Variants in TCF25 observed in about 807,000 individuals in gnomAD.
TCF25 encodes the protein TCF25 ribosome quality control complex subunit.
In TCF25, 41 loss-of-function variants were observed where a neutral mutation model predicts 83.1. The observed-to-expected ratio is 0.49, with a 90% CI of 0.38 to 0.64. The LOEUF (loss-of-function observed/expected upper bound fraction) is 0.64, where lower values mean the gene tolerates loss of function less well. TCF25 is among the 30% of genes least tolerant of loss of function. TCF25 has a pLI of 0.00. For synonymous variants in TCF25, 458 were observed against 365.0 expected, an observed-to-expected ratio of 1.25 and a Z score of -2.90; for missense variants, 979 against 914.5, an observed-to-expected ratio of 1.07 and a Z score of -0.91.
chr16:89,877,340 A>G (rs760256164), intron 1 of TCF25, among the ~76,000 whole-genome samples: 8 of 152,060 alleles, frequency 5.3e-5, no homozygotes, highest in Non-Finnish European at 1.2e-4. Context: ...AGTAGGTGGA[A>G]CTATAAGTGG....
intron 3 of TCF25, among the ~76,000 whole-genome samples, chr16:89,884,950 C>G (rs1160279421): frequency 1.0e-5 from 1 of 96,770 alleles, no homozygotes; most frequent in African/African-American, 5.1e-5. Context: ...CGCCCTCTCC[C>G]TCTGCCTGAC....
At chr16:89,892,557 C>T (rs2043518361) in intron 6 of TCF25, among the ~76,000 whole-genome samples, 1 of 152,204 alleles carries the variant, frequency 6.6e-6, no homozygotes, top group African/African-American at 2.4e-5. Context: ...TACCTCAACA[C>T]GGAGCCTCCC....
intron 16 of TCF25, chr16:89,909,199 C>G: frequency 8.2e-7 from 1 of 1,223,650 alleles, no homozygotes; most frequent in Non-Finnish European, 1.1e-6. Context: ...CATGGCAAAC[C>G]CCGTCTCAAC....
Position 89,911,061 on chromosome 16 carries a change from A to T in TCF25, c.1873-19A>T. On this transcript the variant is annotated intron_variant, in intron 17 of 17. Transcript: ENST00000263346. ...CCAGCACAGACAGCCCCCTTCTCAG[A>T]CATGTCCCCTTGCTGCAGGGGGAGA... 6.2e-7 allele frequency: 1 copy of T among 1,610,152 alleles called. No homozygotes were observed. Among genetic ancestry groups the T allele is most frequent in the Non-Finnish European group, 8.5e-7 (1 of 1,179,500 alleles).
At chr16:89,909,354 C>CA (rs1358173638) in intron 16 of TCF25, 4 of 344,576 alleles carry the variant, frequency 1.2e-5, no homozygotes, top group African/African-American at 6.5e-5. Flanking sequence ...TACTAAAATA[C>CA]AAAAAAATTA....
At chr16:89,906,719 C>T (rs991416399) in intron 15 of TCF25, among the ~76,000 whole-genome samples, 12 of 152,204 alleles carry the variant, frequency 7.9e-5, no homozygotes, top group African/African-American at 1.4e-4. Flanking sequence ...GTCAGAGGGT[C>T]GCAGGACCGT....
At chr16:89,889,373 T>TA (rs749101721) in intron 5 of TCF25, 1 of 278,386 alleles carries the variant, frequency 3.6e-6, no homozygotes, top group Non-Finnish European at 6.9e-6. Context: ...AACAAGGTCT[T>TA]ACTTTGTTGC....
At chr16:89,881,078 A>G (rs2042572848) in intron 1 of TCF25, among the ~76,000 whole-genome samples, 1 of 152,160 alleles carries the variant, frequency 6.6e-6, no homozygotes, top group Non-Finnish European at 1.5e-5. Context: ...CAACGGGCGT[A>G]AGTTGCTCCT....
At chr16:89,888,139 A>G (rs1364632799) in intron 5 of TCF25, among the ~76,000 whole-genome samples, 2 of 152,060 alleles carry the variant, frequency 1.3e-5, no homozygotes, top group East Asian at 1.9e-4. Context: ...GTGGGCAGGC[A>G]TCTGTAATCC....
intron 16 of TCF25, among the ~76,000 whole-genome samples, chr16:89,908,025 TTCCCAGC>T (rs1390781582): frequency 1.8e-5 from 1 of 56,110 alleles, no homozygotes; most frequent in African/African-American, 7.1e-5. Context: ...CTCCTCCCAG[TTCCCAGC>T]TCCCACCTCC....
intron 16 of TCF25, chr16:89,909,994 C>T (rs2045412623): frequency 6.5e-6 from 1 of 152,704 alleles, no homozygotes; most frequent in East Asian, 1.9e-4. Context: ...CTGGAAAGTA[C>T]TTGCCTTACC....
At chr16:89,885,360 C>T (rs2042924522) in intron 3 of TCF25, among the ~76,000 whole-genome samples, 1 of 152,184 alleles carries the variant, frequency 6.6e-6, no homozygotes, top group Non-Finnish European at 1.5e-5. Context: ...TTCTGGTGCT[C>T]CTGTGACCCG....
chr16:89,882,618 G>C (rs534683267), intron 1 of TCF25, among the ~76,000 whole-genome samples: 1 of 152,306 alleles, frequency 6.6e-6, no homozygotes, highest in East Asian at 1.9e-4. Context: ...ATGGAGTCTT[G>C]CTCTGTTGCC....
Position 89,911,157 on chromosome 16 carries a change from C to G in TCF25, c.1950C>G (p.Arg650=). 2 of 1,612,196 alleles carry G rather than the reference C, an allele frequency of 1.2e-6. No homozygotes were observed. Among genetic ancestry groups the G allele is most frequent in the South Asian group, 1.1e-5 (1 of 91,044 alleles). Residue 650 remains arginine (R), a synonymous_variant, in exon 18 of 18, where the codon CGC becomes CGG. Coordinates refer to ENST00000263346, the MANE Select transcript of TCF25 (RefSeq NM_014972.3). Reference sequence around the variant, plus strand: ...TGAACAGGCTGATGCTGGCTGTGCGCGACATGATGGCCAACTTCCACCTCA... The same window carrying G: ...TGAACAGGCTGATGCTGGCTGTGCGGGACATGATGGCCAACTTCCACCTCA... The part of the protein sequence containing the change: ...QGLNRLMLAV[R]DMMANFHLND...
chr16:89,908,957 C>T, intron 16 of TCF25: 1 of 1,289,364 alleles, frequency 7.8e-7, no homozygotes, highest in Non-Finnish European at 1.0e-6. Context: ...TGGGTCTTTC[C>T]CCTCACAGGA....
chr16:89,893,885 G>A, intron 7 of TCF25, 27 bp downstream of exon 7: 1 of 1,583,162 alleles, frequency 6.3e-7, no homozygotes, highest in East Asian at 2.3e-5. Context: ...GCCCCTGACA[G>A]GAGCAGGGGC....
rs1029824823 is a variant in TCF25, at chr16:89,896,505, A to G, written c.1022+422A>G. On this transcript the variant is annotated intron_variant, in intron 9 of 17. Coordinates refer to ENST00000263346, the MANE Select transcript of TCF25 (RefSeq NM_014972.3). ...GGAGGGTTGCTTGAGCCCAGGTGTC[A>G]AGACCAGTCTGAGCACCGTGGCAAC... is the stretch of plus-strand genomic sequence containing the variant. Among the ~76,000 whole-genome samples, 85 of 151,480 alleles carry G rather than the reference A, an allele frequency of 5.6e-4. 1 individual carries two copies. The highest frequency in any genetic ancestry group is 1.2e-4 in the Non-Finnish European group (8 of 67,962).
chr16:89,873,930 C>T (rs1185440253), intron 1 of TCF25, 71 bp downstream of exon 1: 2 of 1,192,656 alleles, frequency 1.7e-6, no homozygotes, highest in African/African-American at 1.7e-5. Context: ...AGCGTCCAGC[C>T]GGGTCGGGGA....
At chr16:89,879,057 C>A (rs533873929) in intron 1 of TCF25, among the ~76,000 whole-genome samples, 1 of 152,238 alleles carries the variant, frequency 6.6e-6, no homozygotes, top group Non-Finnish European at 1.5e-5. Flanking sequence ...AAAACTAGGC[C>A]TGTCACCCGT....
Sources: allele counts gnomAD v4.1 joint callset (sites outside exome capture counted in the v4.1 genomes callset), GRCh38; gene constraint gnomAD v4.1.1; transcripts MANE v1.5; gene names NCBI Gene and HGNC (gene_info 2026-07-23, HGNC 2026-07-21).